TENM2: variants seen among roughly 807,000 people sequenced by gnomAD.
TENM2 encodes the protein teneurin transmembrane protein 2.
In TENM2, 52 loss-of-function variants were observed where a neutral mutation model predicts 245.2. The observed-to-expected ratio is 0.21, with a 90% CI of 0.17 to 0.27. The LOEUF is 0.27. TENM2 is among the 10% of genes least tolerant of loss of function. The pLI, the probability that TENM2 is intolerant of heterozygous loss-of-function variation, is 1.00. For missense variants in TENM2, 3,046 were observed against 3,666.8 expected (o/e 0.83, Z 4.37); for synonymous variants, 1,363 against 1,438.9 (o/e 0.95, Z 1.19).
chr5:168,148,582 G>A (rs1197236511), intron 12 of TENM2, among the ~76,000 whole-genome samples: 2 of 152,178 alleles, frequency 1.3e-5, no homozygotes, highest in African/African-American at 4.8e-5. Context: ...GGTTCCCTGG[G>A]CCACGTGGAT....
the TENM2 span, among the ~76,000 whole-genome samples, chr5:167,070,133 T>TTATTTATTTATTTA: frequency 2.7e-5 from 4 of 147,792 alleles, no homozygotes; most frequent in African/African-American, 1.0e-4. Context: ...TTATTTATTT[T>TTATTTATTTATTTA]TTGAGACAGA....
chr5:167,562,972 A>G (rs1373115576), intron 2 of TENM2, among the ~76,000 whole-genome samples: 14 of 151,726 alleles, frequency 9.2e-5, no homozygotes, highest in South Asian at 6.2e-4. Flanking sequence ...AAAAAAAAAA[A>G]AAAGAAAAAG....
intron 2 of TENM2, among the ~76,000 whole-genome samples, chr5:167,704,567 T>C (rs1758376324): frequency 6.6e-6 from 1 of 151,908 alleles, no homozygotes. Context: ...TAAATACCAA[T>C]ATTAGGTGGC....
At chr5:167,949,629 T>A (rs534304187) in intron 3 of TENM2, among the ~76,000 whole-genome samples, 2 of 152,168 alleles carry the variant, frequency 1.3e-5, no homozygotes, top group African/African-American at 2.4e-5. Flanking sequence ...TTTTCACCAG[T>A]TGGCAGATGA....
chr5:167,164,007 C>T, the TENM2 span, among the ~76,000 whole-genome samples: 1 of 152,180 alleles, frequency 6.6e-6, no homozygotes, highest in African/African-American at 2.4e-5. Context: ...CCACTGCCCT[C>T]CACTTTAGTG....
intron 2 of TENM2, among the ~76,000 whole-genome samples, chr5:167,439,824 G>A (rs1417133942): frequency 6.6e-6 from 1 of 152,046 alleles, no homozygotes; most frequent in East Asian, 1.9e-4. Flanking sequence ...AAGTCATGAA[G>A]CATTCTTAAC....
chr5:167,396,310 A>G (rs1312774131), intron 2 of TENM2, among the ~76,000 whole-genome samples: 7 of 152,294 alleles, frequency 4.6e-5, no homozygotes, highest in African/African-American at 1.7e-4. Flanking sequence ...ATATGATACA[A>G]CATGGATGAA....
At chr5:167,898,059 T>C (rs1775371759) in intron 3 of TENM2, among the ~76,000 whole-genome samples, 1 of 152,218 alleles carries the variant, frequency 6.6e-6, no homozygotes, top group African/African-American at 2.4e-5. Context: ...GGGTTTGTCA[T>C]TGAAGAGCCC....
intron 13 of TENM2, among the ~76,000 whole-genome samples, chr5:168,189,033 C>T (rs1760721858): frequency 6.6e-6 from 1 of 152,124 alleles, no homozygotes; most frequent in Non-Finnish European, 1.5e-5. Flanking sequence ...TCTGGTGAGG[C>T]CCTGATTCTT....
chr5:167,549,447 C>T (rs1772786746), intron 2 of TENM2, among the ~76,000 whole-genome samples: 2 of 152,156 alleles, frequency 1.3e-5, no homozygotes, highest in African/African-American at 4.8e-5. Context: ...TAGTCAACTG[C>T]TATCCAAGTC....
At chr5:167,186,038 G>A in the TENM2 span, among the ~76,000 whole-genome samples, 9 of 152,202 alleles carry the variant, frequency 5.9e-5, no homozygotes, top group East Asian at 1.5e-3. Context: ...ATGGTTTAGG[G>A]CATTTATAAT....
Position 167,719,298 on chromosome 5 carries a change from G to A in TENM2, c.503-156688G>A, listed in dbSNP as rs149153065. On this transcript the variant is annotated intron_variant, in intron 2 of 28. Coordinates refer to ENST00000518659, the Ensembl canonical transcript of TENM2. Reference sequence around the variant, plus strand: ...TGAAGACTCCGCGGGACCAAGTCCTGTTCTTCTGTCAATACCCATGGTTTC... The same window carrying A: ...TGAAGACTCCGCGGGACCAAGTCCTATTCTTCTGTCAATACCCATGGTTTC... Among the ~76,000 whole-genome samples the A allele has an allele frequency of 5.9e-5, 9 of 152,338 alleles. No individual in the cohort carries two copies. The East Asian group carries it at 1.7e-3, about 29-fold the overall frequency.
chr5:167,915,398 G>C (rs914409886), intron 3 of TENM2, among the ~76,000 whole-genome samples: 1 of 152,084 alleles, frequency 6.6e-6, no homozygotes, highest in Non-Finnish European at 1.5e-5. Context: ...TTCATGTAAG[G>C]TGTCTGAATC....
At chr5:167,858,768 G>A (rs1242128529) in intron 2 of TENM2, among the ~76,000 whole-genome samples, 2 of 150,708 alleles carry the variant, frequency 1.3e-5, no homozygotes, top group African/African-American at 4.8e-5. Context: ...ATGGAGTTCA[G>A]CGGGCAGCGG....
chr5:167,438,782 G>A (rs369797728), intron 2 of TENM2, among the ~76,000 whole-genome samples: 39 of 151,890 alleles, frequency 2.6e-4, no homozygotes, highest in African/African-American at 8.5e-4. Context: ...ACAGGTAAGC[G>A]AAGTTTTTTG....
intron 2 of TENM2, among the ~76,000 whole-genome samples, chr5:167,459,971 A>C (rs1481046592): frequency 6.6e-6 from 1 of 152,028 alleles, no homozygotes; most frequent in East Asian, 1.9e-4. Context: ...AAACGCATAT[A>C]TATATACAAA....
At chr5:167,607,794 G>T (rs1047923111) in intron 2 of TENM2, among the ~76,000 whole-genome samples, 1 of 152,126 alleles carries the variant, frequency 6.6e-6, no homozygotes, top group African/African-American at 2.4e-5. Context: ...GCCCTGTGTT[G>T]CTTCCAGTCT....
At chr5:167,257,598 TAA>T in the TENM2 span, among the ~76,000 whole-genome samples, 1 of 143,140 alleles carries the variant, frequency 7.0e-6, no homozygotes, top group African/African-American at 2.5e-5. Flanking sequence ...CTAGGCAAGT[TAA>T]AAAAAAAAAG....
rs970172609 is a variant in TENM2, at chr5:167,838,390, G to C, written c.503-37596G>C. Among the ~76,000 whole-genome samples the C allele has an allele frequency of 2.6e-5, 4 of 152,170 alleles. No individual in the cohort carries two copies. The East Asian group carries it at 7.7e-4, about 29-fold the overall frequency. On this transcript the variant is annotated intron_variant, in intron 2 of 28. Coordinates refer to ENST00000518659, the Ensembl canonical transcript of TENM2. The stretch of plus-strand genomic sequence containing the variant: ...TGAAAACTGTCAGTACTATTTGTAT[G>C]AATGCGTTCAAAGTGGCCATGTTTC...
Sources: allele counts gnomAD v4.1 joint callset (sites outside exome capture counted in the v4.1 genomes callset), GRCh38; gene constraint gnomAD v4.1.1; transcripts MANE v1.5; gene names NCBI Gene and HGNC (gene_info 2026-07-23, HGNC 2026-07-21).